The following NAALADL2 variants were observed in gnomAD, a reference collection of about 807,000 sequenced individuals.
NAALADL2 encodes the protein N-acetylated alpha-linked acidic dipeptidase like 2, also known as inactive N-acetylated-alpha-linked acidic dipeptidase-like protein 2.
In NAALADL2, 76 loss-of-function variants were observed where a neutral mutation model predicts 87.2. The ratio of observed to expected loss-of-function variants is 0.87; its 90% CI spans 0.72 to 1.05. The LOEUF (loss-of-function observed/expected upper bound fraction) is 1.05. Ranked by LOEUF, NAALADL2 falls within the 50% of genes least tolerant of loss-of-function variation. The probability of loss-of-function intolerance (pLI) is 0.00; values close to 1 mark genes in which losing one functional copy is unlikely to be tolerated. For missense variants in NAALADL2, 1,089 were observed against 945.8 expected (o/e 1.15, Z -1.99); for synonymous variants, 354 against 331.0 (o/e 1.07, Z -0.75).
intron 12 of NAALADL2, among the ~76,000 whole-genome samples, chr3:175,748,427 C>T (rs751272456): frequency 6.6e-6 from 1 of 152,142 alleles, no homozygotes; most frequent in Non-Finnish European, 1.5e-5. Flanking sequence ...TATACATTTT[C>T]CCCCAAAATA....
intron 5 of NAALADL2, among the ~76,000 whole-genome samples, chr3:175,388,366 C>T (rs1768655377): frequency 6.6e-6 from 1 of 152,032 alleles, no homozygotes; most frequent in Admixed American, 6.6e-5. Flanking sequence ...TTTCTGGTGC[C>T]ATGTGAAACT....
chr3:174,837,601 C>T (rs1273475683), intron 3 of NAALADL2, among the ~76,000 whole-genome samples: 6 of 152,268 alleles, frequency 3.9e-5, no homozygotes, highest in African/African-American at 1.4e-4. Context: ...TGAGACCAGC[C>T]TGGCCAACAT....
rs558355217 is a variant in NAALADL2, at chr3:175,049,256, C to A, written c.44-47534C>A. 9.9e-5 allele frequency among the ~76,000 whole-genome samples: 15 copies of A among 152,108 alleles called. No individual in the cohort carries two copies. In the South Asian group the frequency reaches 2.9e-3, roughly 30 times the overall value. The stretch of plus-strand genomic sequence containing the variant: ...CTTATACAGCATGGATATGCTAGAC[C>A]AAGGGATTATTCACACACTGGGTAA... On this transcript the variant is annotated intron_variant, in intron 1 of 13. Coordinates refer to ENST00000454872, the MANE Select transcript of NAALADL2 (RefSeq NM_207015.3).
At chr3:175,043,561 A>C (rs1217578471) in intron 1 of NAALADL2, among the ~76,000 whole-genome samples, 1 of 152,118 alleles carries the variant, frequency 6.6e-6, no homozygotes, top group Non-Finnish European at 1.5e-5. Flanking sequence ...AATCTATTTT[A>C]AGTTGATTAA....
intron 3 of NAALADL2, among the ~76,000 whole-genome samples, chr3:174,817,407 C>G (rs1015960513): frequency 9.9e-5 from 15 of 152,082 alleles, no homozygotes; most frequent in African/African-American, 3.6e-4. Context: ...TTTAAGACCA[C>G]CCTGGGCAAC....
chr3:175,084,812 A>T (rs1406409035), intron 1 of NAALADL2, among the ~76,000 whole-genome samples: 1 of 152,216 alleles, frequency 6.6e-6, no homozygotes, highest in African/African-American at 2.4e-5. Context: ...CAATTGAGAA[A>T]AAATTTAAAG....
intron 2 of NAALADL2, among the ~76,000 whole-genome samples, chr3:175,111,264 A>G (rs1190567942): frequency 2.0e-5 from 3 of 151,770 alleles, no homozygotes; most frequent in Admixed American, 6.6e-5. Flanking sequence ...AAGAGCTACA[A>G]CACTTAGCAG....
chr3:175,570,589 A>C (rs1171693764), intron 9 of NAALADL2, among the ~76,000 whole-genome samples: 1 of 152,174 alleles, frequency 6.6e-6, no homozygotes, highest in Non-Finnish European at 1.5e-5. Flanking sequence ...AAAGAAAGTG[A>C]CTTAATTTTG....
At chr3:174,964,292 G>A (rs1394805418) in intron 1 of NAALADL2, among the ~76,000 whole-genome samples, 1 of 152,016 alleles carries the variant, frequency 6.6e-6, no homozygotes, top group Non-Finnish European at 1.5e-5. Flanking sequence ...AAAGTATACA[G>A]GCAATCAAGA....
At chr3:174,997,325 C>T (rs574775317) in intron 1 of NAALADL2, among the ~76,000 whole-genome samples, 1 of 152,162 alleles carries the variant, frequency 6.6e-6, no homozygotes, top group East Asian at 1.9e-4. Context: ...ATTACATCCA[C>T]ACCAACATCT....
intron 2 of NAALADL2, among the ~76,000 whole-genome samples, chr3:174,673,678 C>T (rs1303496029): frequency 2.7e-5 from 4 of 149,458 alleles, no homozygotes; most frequent in Admixed American, 1.3e-4. Context: ...ATGAAGAAGG[C>T]TTGGTTAATA....
At chr3:175,386,483 G>A (rs1768389458) in intron 5 of NAALADL2, among the ~76,000 whole-genome samples, 1 of 151,322 alleles carries the variant, frequency 6.6e-6, no homozygotes, top group Non-Finnish European at 1.5e-5. Context: ...TCTGTCAAGA[G>A]GCATGTATCA....
chr3:174,856,001 TATGA>T (rs1169344146), upstream of NAALADL2, among the ~76,000 whole-genome samples: 1 of 137,644 alleles, frequency 7.3e-6, no homozygotes, highest in Non-Finnish European at 1.6e-5. Context: ...TATATATATA[TATGA>T]GAGAGAGAAG....
At chr3:174,581,606 G>A (rs1353573267) in intron 2 of NAALADL2, among the ~76,000 whole-genome samples, 1 of 152,178 alleles carries the variant, frequency 6.6e-6, no homozygotes, top group African/African-American at 2.4e-5. Flanking sequence ...TCTTGTCTTA[G>A]TAAAGAGGTT....
rs1491162200 is a variant in NAALADL2, at chr3:175,809,510, T to TAAAAAAAAAAA, written c.*6307_*6308insAAAAAAAAAAA. ...GCAACAAAGTGAGACCCTGTCTCTC[T>TAAAAAAAAAAA]TAAAAAAAAAAAAAAAAAAAAAAAA... On this transcript the variant is annotated 3_prime_UTR_variant, in exon 14 of 14. Coordinates refer to ENST00000454872, the MANE Select transcript of NAALADL2 (RefSeq NM_207015.3). The TAAAAAAAAAAA allele has an allele frequency of 2.2e-3, 75 of 34,388 alleles. 1 individual carries two copies. The highest frequency in any genetic ancestry group is 4.4e-3 in the Non-Finnish European group (58 of 13,312). 2.1% of individuals were successfully genotyped at this position (34,388 alleles called of 1,614,324 possible). A position where few individuals can be genotyped will look rare whatever the true frequency, so the allele number is the denominator to read the frequency against.
At chr3:175,015,288 TA>T (rs1750665365) in intron 1 of NAALADL2, among the ~76,000 whole-genome samples, 1 of 152,098 alleles carries the variant, frequency 6.6e-6, no homozygotes, top group South Asian at 2.1e-4. Flanking sequence ...ATTTTTCAAT[TA>T]ACCTATGTAT....
intron 2 of NAALADL2, among the ~76,000 whole-genome samples, chr3:174,679,930 T>C (rs1727375855): frequency 6.6e-6 from 1 of 152,164 alleles, no homozygotes; most frequent in Admixed American, 6.6e-5. Flanking sequence ...GATTCTTATC[T>C]TTGAAAAGCG....
Position 174,668,687 on chromosome 3 carries a change from C to T in NAALADL2, c.-114-68954C>T, listed in dbSNP as rs1726215296. 3.3e-5 allele frequency among the ~76,000 whole-genome samples: 5 copies of T among 152,228 alleles called. No homozygotes were observed. In the South Asian group the frequency reaches 1.0e-3, roughly 32 times the overall value. Reference sequence around the variant, plus strand: ...ACATGCAGTGTTTGGTTTTCTGTCCCTGCAATAGTTTGCTGAGAATGATGG... The same window carrying T: ...ACATGCAGTGTTTGGTTTTCTGTCCTTGCAATAGTTTGCTGAGAATGATGG... On this transcript the variant is annotated intron_variant, in intron 2 of 3. Coordinates refer to the NAALADL2 transcript ENST00000434257.
intron 2 of NAALADL2, among the ~76,000 whole-genome samples, chr3:175,151,172 A>G (rs1731488518): frequency 6.6e-6 from 1 of 152,206 alleles, no homozygotes; most frequent in Non-Finnish European, 1.5e-5. Flanking sequence ...AGAGACTGTG[A>G]GATCTGTGTC....
Sources: allele counts gnomAD v4.1 joint callset (sites outside exome capture counted in the v4.1 genomes callset), GRCh38; gene constraint gnomAD v4.1.1; transcripts MANE v1.5; gene names NCBI Gene and HGNC (gene_info 2026-07-23, HGNC 2026-07-21).